The following STK31 variants were observed in gnomAD, a reference collection of about 807,000 sequenced individuals.
STK31 encodes serine/threonine kinase 31.
STK31 carries 89 observed loss-of-function variants against 129.7 expected under a neutral mutation model. That is an observed-to-expected ratio of 0.69 (90% CI 0.58 to 0.82). The LOEUF is 0.82. Ranked by LOEUF, STK31 falls within the 40% of genes least tolerant of loss-of-function variation. The pLI is 0.00. For missense variants in STK31, 1,187 were observed against 1,176.4 expected, an observed-to-expected ratio of 1.01 and a Z score of -0.13; for synonymous variants, 448 against 395.3, an observed-to-expected ratio of 1.13 and a Z score of -1.58.
chr7:23,769,585 A>T (rs1217149168), intron 12 of STK31, 55 bp from the exon 13 acceptor site: 1 of 1,220,536 alleles, frequency 8.2e-7, no homozygotes, highest in Non-Finnish European at 1.2e-6. Flanking sequence ...TTAAGGCACG[A>T]TGAATGCTGA....
chr7:23,784,608 T>A (rs1326978504), intron 17 of STK31, among the ~76,000 whole-genome samples: 1 of 152,140 alleles, frequency 6.6e-6, no homozygotes, highest in Admixed American at 6.5e-5. Flanking sequence ...CTTTCTGATG[T>A]TTAACTGTAA....
chr7:23,788,051 A>G lies in STK31; in HGVS notation c.2559A>G (p.Gly853=). Residue 853 remains glycine, a synonymous_variant, in exon 21 of 24, where the codon GGA becomes GGG. Coordinates refer to ENST00000355870, the MANE Select transcript of STK31 (RefSeq NM_031414.5). The part of the protein sequence containing the change: ...HTLHKADIIH[G]SLHQNNVFAL... ...TGCATAAGGCTGACATAATTCATGG[A>G]TCACTTCATCAGAACAATGTATTTG... 1 of 1,612,520 alleles carries G rather than the reference A, an allele frequency of 6.2e-7. No individual in the cohort carries two copies.
intron 22 of STK31, among the ~76,000 whole-genome samples, chr7:23,798,262 C>T (rs1446230242): frequency 6.6e-6 from 1 of 152,168 alleles, no homozygotes; most frequent in Non-Finnish European, 1.5e-5. Context: ...AGGCCGGCAT[C>T]ATCCTGGTAC....
intron 15 of STK31, among the ~76,000 whole-genome samples, chr7:23,774,895 T>C (rs1469071233): frequency 3.3e-5 from 5 of 152,134 alleles, no homozygotes; most frequent in African/African-American, 9.7e-5. Flanking sequence ...TCTTCTAGAG[T>C]TGTTATGGTT....
intron 22 of STK31, among the ~76,000 whole-genome samples, chr7:23,793,681 T>C (rs1791778104): frequency 6.6e-6 from 1 of 152,038 alleles, no homozygotes; most frequent in South Asian, 2.1e-4. Flanking sequence ...AAAACCAAAA[T>C]GAGATACCAC....
At position 23,735,598 on chromosome 7, in the gene STK31, A is replaced by G. The variant is rs763522510; in HGVS notation, c.544A>G (p.Thr182Ala). The G allele has an allele frequency of 6.2e-7, 1 of 1,612,098 alleles. No homozygotes were observed. The highest frequency in any genetic ancestry group is 1.1e-5 in the South Asian group (1 of 90,478). Residue 182 changes from threonine (T) to alanine (A), a missense_variant, in exon 7 of 24, where the codon ACC becomes GCC. Physicochemically the swap from Thr to Ala is moderately conservative, Grantham distance 58. Coordinates refer to ENST00000355870, the MANE Select transcript of STK31 (RefSeq NM_031414.5). ...GGAAATAAAAATGAGAATTAAAGCA[A>G]CCTCTGAAGATGGAACAGTTATTGC... ...EKEIKMRIKA[T>A]SEDGTVIAQA...
chr7:23,790,947 G>T lies in STK31; in HGVS notation c.2760+1G>T. The T allele has an allele frequency of 1.3e-6, 2 of 1,543,680 alleles. No individual in the cohort carries two copies. Among genetic ancestry groups the T allele is most frequent in the Non-Finnish European group, 1.7e-6 (2 of 1,152,462 alleles). On this transcript the variant is annotated splice_donor_variant, in intron 22 of 23. Transcript: ENST00000355870. LOFTEE classifies it high-confidence loss of function. ...TGCTTATGGCTGCCTCTTATTATGGGTATGTTATTTTTTTGTTGAAATAGA... is the reference window on the plus strand; with the variant it reads ...TGCTTATGGCTGCCTCTTATTATGGTTATGTTATTTTTTTGTTGAAATAGA...
At chr7:23,748,713 T>G (rs1298094578) in intron 8 of STK31, among the ~76,000 whole-genome samples, 2 of 152,204 alleles carry the variant, frequency 1.3e-5, no homozygotes. Flanking sequence ...CTAATAACAT[T>G]TTCTTTTTTT....
intron 20 of STK31, 95 bp from the exon 21 acceptor site, chr7:23,787,885 A>T: frequency 8.2e-7 from 1 of 1,221,416 alleles, no homozygotes; most frequent in Non-Finnish European, 1.1e-6. Flanking sequence ...AGGAAACTTT[A>T]CTCACTTCTA....
chr7:23,821,380 T>G (rs1793774490), intron 23 of STK31, among the ~76,000 whole-genome samples: 1 of 152,188 alleles, frequency 6.6e-6, no homozygotes, highest in Non-Finnish European at 1.5e-5. Flanking sequence ...AAATGATACT[T>G]CATTGTGGTT....
At chr7:23,768,133 G>T (rs1789947089) in intron 11 of STK31, among the ~76,000 whole-genome samples, 2 of 152,034 alleles carry the variant, frequency 1.3e-5, no homozygotes, top group African/African-American at 4.8e-5. Context: ...GTCAGTGATG[G>T]ACTGCATATA....
intron 18 of STK31, 77 bp from the exon 19 acceptor site, chr7:23,786,431 T>C: frequency 9.8e-6 from 13 of 1,331,906 alleles, no homozygotes; most frequent in Non-Finnish European, 1.3e-5. Context: ...TAATGAATTA[T>C]GTTTAAATTG....
At chr7:23,769,237 T>A in intron 12 of STK31, 63 bp downstream of exon 12, 1 of 1,409,744 alleles carries the variant, frequency 7.1e-7, no homozygotes, top group Non-Finnish European at 9.3e-7. Flanking sequence ...ATTTTAAAAA[T>A]CACGCGCTTT....
intron 15 of STK31, among the ~76,000 whole-genome samples, chr7:23,779,402 A>G (rs939131734): frequency 1.3e-5 from 2 of 152,184 alleles, no homozygotes; most frequent in African/African-American, 4.8e-5. Context: ...CAGAGCTGGC[A>G]GGCAGAAACA....
At chr7:23,740,168 C>T (rs1490282851) in intron 8 of STK31, among the ~76,000 whole-genome samples, 1 of 152,100 alleles carries the variant, frequency 6.6e-6, no homozygotes, top group Non-Finnish European at 1.5e-5. Flanking sequence ...TCTCAAACTT[C>T]TGGGCTCAAG....
chr7:23,753,191 A>C (rs957143440), intron 9 of STK31, among the ~76,000 whole-genome samples: 2 of 152,206 alleles, frequency 1.3e-5, no homozygotes. Context: ...ATTCAACATT[A>C]TTTCATTATA....
intron 8 of STK31, among the ~76,000 whole-genome samples, 178 bp downstream of exon 8, chr7:23,737,256 A>G (rs1787774213): frequency 6.6e-6 from 1 of 151,958 alleles, no homozygotes; most frequent in South Asian, 2.1e-4. Flanking sequence ...TCATCTTTGG[A>G]TTTCATTGGA....
intron 4 of STK31, among the ~76,000 whole-genome samples, chr7:23,719,225 TA>T (rs1361961087): frequency 6.6e-6 from 1 of 152,068 alleles, no homozygotes; most frequent in Admixed American, 6.6e-5. Flanking sequence ...TGAATGCATT[TA>T]AAAAATAAAA....
chr7:23,764,993 G>A (rs779041715), intron 11 of STK31, among the ~76,000 whole-genome samples: 22 of 151,094 alleles, frequency 1.5e-4, no homozygotes, highest in Non-Finnish European at 2.4e-4. Context: ...TTTTAAGTTC[G>A]TATCCCACCT....
Sources: gnomAD v4.1 joint callset for allele counts (sites outside exome capture counted in the v4.1 genomes callset) on GRCh38, gnomAD v4.1.1 for gene constraint, MANE v1.5 for transcripts, NCBI Gene and HGNC (gene_info 2026-07-23, HGNC 2026-07-21) for gene names.